CPQ: variants seen among roughly 807,000 people sequenced by gnomAD.
CPQ encodes carboxypeptidase Q.
Under a neutral mutation model 45.7 loss-of-function variants are expected in CPQ, and 37 were observed. That is an observed-to-expected ratio of 0.81 (90% CI 0.62 to 1.07). The LOEUF is 1.07. Among genes scored for constraint, CPQ ranks in the 50% least tolerant of loss-of-function variants. The probability of loss-of-function intolerance (pLI) is 0.00; values close to 1 mark genes in which losing one functional copy is unlikely to be tolerated. For synonymous variants in CPQ, 186 were observed against 205.8 expected, an observed-to-expected ratio of 0.90 and a Z score of 0.82; for missense variants, 537 against 572.9, an observed-to-expected ratio of 0.94 and a Z score of 0.64.
At chr8:96,765,505 A>G (rs1185213249) in intron 1 of CPQ, among the ~76,000 whole-genome samples, 1 of 150,742 alleles carries the variant, frequency 6.6e-6, no homozygotes, top group Non-Finnish European at 1.5e-5. Context: ...AGAGCCTGGA[A>G]AAAAAAAAAC....
At chr8:97,021,513 T>C (rs1239309695) in intron 5 of CPQ, among the ~76,000 whole-genome samples, 1 of 152,186 alleles carries the variant, frequency 6.6e-6, no homozygotes, top group African/African-American at 2.4e-5. Context: ...CAGAAAAGTT[T>C]CCGGATACAA....
intron 1 of CPQ, among the ~76,000 whole-genome samples, chr8:96,708,424 TG>T: frequency 1.8e-5 from 1 of 56,964 alleles, no homozygotes; most frequent in African/African-American, 5.0e-5. Flanking sequence ...GCCATATGTG[TG>T]TGTGTGTGTG....
intron 5 of CPQ, among the ~76,000 whole-genome samples, chr8:97,012,406 A>C (rs778629806): frequency 6.6e-6 from 1 of 152,228 alleles, no homozygotes; most frequent in Non-Finnish European, 1.5e-5. Context: ...CATGTTCTTG[A>C]AATGGTGACT....
intron 3 of CPQ, among the ~76,000 whole-genome samples, chr8:96,878,270 G>A (rs1026725013): frequency 3.3e-5 from 5 of 152,102 alleles, no homozygotes; most frequent in African/African-American, 1.2e-4. Flanking sequence ...CCGGCTTGCA[G>A]TCTACTTTTT....
At chr8:96,956,010 C>T (rs1343601856) in intron 4 of CPQ, among the ~76,000 whole-genome samples, 2 of 152,070 alleles carry the variant, frequency 1.3e-5, no homozygotes, top group African/African-American at 2.4e-5. Context: ...CAACAAAAGC[C>T]AAAATCGACA....
At chr8:96,958,652 G>A (rs181828996) in intron 4 of CPQ, among the ~76,000 whole-genome samples, 14 of 152,226 alleles carry the variant, frequency 9.2e-5, no homozygotes, top group Non-Finnish European at 1.6e-4. Flanking sequence ...GTTTTCATGC[G>A]CCGCAGATAA....
intron 4 of CPQ, among the ~76,000 whole-genome samples, chr8:96,902,865 A>G (rs968970962): frequency 6.6e-6 from 1 of 152,168 alleles, no homozygotes; most frequent in Non-Finnish European, 1.5e-5. Flanking sequence ...GGAAGTGGCT[A>G]AATTCCCTCA....
At chr8:97,131,017 G>A (rs967721915) in intron 7 of CPQ, among the ~76,000 whole-genome samples, 16 of 152,174 alleles carry the variant, frequency 1.1e-4, no homozygotes, top group African/African-American at 1.9e-4. Flanking sequence ...TAAATAAAAC[G>A]AAAGCATATT....
At chr8:96,972,363 AG>A (rs1428557506) in intron 5 of CPQ, among the ~76,000 whole-genome samples, 2 of 152,192 alleles carry the variant, frequency 1.3e-5, no homozygotes, top group Non-Finnish European at 2.9e-5. Context: ...GCCCTGCCAA[AG>A]GAGAGGCTGA....
intron 5 of CPQ, among the ~76,000 whole-genome samples, chr8:96,973,710 C>T (rs1047968530): frequency 2.0e-5 from 3 of 152,132 alleles, no homozygotes; most frequent in Non-Finnish European, 4.4e-5. Context: ...GATTGGGGTC[C>T]TCTTTTTAGC....
chr8:96,816,282 C>T (rs931848768), intron 2 of CPQ, among the ~76,000 whole-genome samples: 2 of 152,116 alleles, frequency 1.3e-5, no homozygotes, highest in Non-Finnish European at 2.9e-5. Context: ...TCTCAGGAAA[C>T]TCGTTTATTT....
intron 4 of CPQ, among the ~76,000 whole-genome samples, chr8:96,934,798 G>A (rs750467962): frequency 6.6e-5 from 10 of 152,054 alleles, no homozygotes; most frequent in Non-Finnish European, 1.0e-4. Flanking sequence ...AGGGAGCTCG[G>A]AGTTCATTAT....
intron 7 of CPQ, among the ~76,000 whole-genome samples, chr8:97,137,695 C>T (rs1177782393): frequency 1.3e-5 from 2 of 152,088 alleles, no homozygotes; most frequent in African/African-American, 2.4e-5. Flanking sequence ...TTTGGGAGGC[C>T]GAGGCGGGCG....
At chr8:97,112,787 G>A (rs546805310) in intron 7 of CPQ, among the ~76,000 whole-genome samples, 1 of 152,354 alleles carries the variant, frequency 6.6e-6, no homozygotes, top group South Asian at 2.1e-4. Context: ...GGGCAGTGCT[G>A]ATGGCGTACA....
At chr8:96,777,752 ATATATATATTTTTTTTTTTTTTTTT>A (rs1810631265) in intron 1 of CPQ, among the ~76,000 whole-genome samples, 1 of 11,798 alleles carries the variant, frequency 8.5e-5, no homozygotes, top group African/African-American at 3.7e-4. Flanking sequence ...ATATATATAT[ATATATATATTTTTTTTTTTTTTTTT>A]TTTTTTTTTT....
chr8:96,785,219 G>A lies in CPQ; in HGVS notation c.322G>A (p.Val108Met), dbSNP rs1810750743. ...GCTGGAGAAAGTTCACCTGGAGCCA[G>A]TGAGAATACCCCACTGGGAGAGGGG... ...DGLEKVHLEP[V>M]RIPHWERGEE... is the part of the protein sequence containing the mutation. Residue 108 changes from valine to methionine, a missense_variant, in exon 2 of 8, where the codon GTG (valine) becomes ATG (methionine). Val to Met is a conservative substitution (Grantham distance 21). Transcript: ENST00000220763. 1 of 1,613,552 alleles carries A rather than the reference G, an allele frequency of 6.2e-7. No homozygotes were observed. Among genetic ancestry groups the A allele is most frequent in the Non-Finnish European group, 8.5e-7 (1 of 1,179,796 alleles).
intron 6 of CPQ, among the ~76,000 whole-genome samples, chr8:97,052,709 GAGA>G (rs1326164121): frequency 1.3e-5 from 2 of 152,180 alleles, no homozygotes; most frequent in East Asian, 1.9e-4. Flanking sequence ...GTTTTCACCT[GAGA>G]AGGAGGAGAT....
intron 1 of CPQ, among the ~76,000 whole-genome samples, chr8:96,656,718 G>C (rs1815642357): frequency 6.6e-6 from 1 of 152,208 alleles, no homozygotes; most frequent in African/African-American, 2.4e-5. Context: ...GCCGTCTAAA[G>C]ACTCAAAGCA....
chr8:96,925,909 C>T (rs1812867963), intron 4 of CPQ, among the ~76,000 whole-genome samples: 2 of 150,718 alleles, frequency 1.3e-5, no homozygotes, highest in African/African-American at 4.9e-5. Context: ...AGGATGGTCT[C>T]AATCTCCTGA....
Sources: allele counts gnomAD v4.1 joint callset (sites outside exome capture counted in the v4.1 genomes callset), GRCh38; gene constraint gnomAD v4.1.1; transcripts MANE v1.5; gene names NCBI Gene and HGNC (gene_info 2026-07-23, HGNC 2026-07-21).